KALRN: variants seen among roughly 807,000 people sequenced by gnomAD.
KALRN encodes the protein kalirin RhoGEF kinase.
Under a neutral mutation model 353.7 loss-of-function variants are expected in KALRN, and 70 were observed. The observed-to-expected ratio is 0.20, with a 90% confidence interval of 0.16 to 0.24. The LOEUF (loss-of-function observed/expected upper bound fraction) is 0.24, where lower values mean the gene tolerates loss of function less well. KALRN is among the 10% of genes least tolerant of loss of function. KALRN has a pLI of 1.00. For synonymous variants in KALRN, 1,391 were observed against 1,434.8 expected (o/e 0.97, Z 0.69); for missense variants, 2,791 against 3,756.7 (o/e 0.74, Z 6.72).
chr3:124,615,964 G>C (rs1396538309), intron 34 of KALRN, among the ~76,000 whole-genome samples: 1 of 152,188 alleles, frequency 6.6e-6, no homozygotes, highest in Non-Finnish European at 1.5e-5. Flanking sequence ...GGGAGAAGGA[G>C]GATCAGATTA....
chr3:124,392,023 T>C (rs965328247), intron 11 of KALRN, among the ~76,000 whole-genome samples: 3 of 152,184 alleles, frequency 2.0e-5, no homozygotes, highest in Non-Finnish European at 4.4e-5. Context: ...GAACTGGAGA[T>C]GGCTTGCAAC....
chr3:124,302,373 G>A (rs2077334173), intron 6 of KALRN, among the ~76,000 whole-genome samples: 2 of 152,314 alleles, frequency 1.3e-5, no homozygotes, highest in Non-Finnish European at 2.9e-5. Flanking sequence ...AGATGAGGGG[G>A]TGGTCAGGTC....
intron 1 of KALRN, chr3:124,152,034 T>A: frequency 6.8e-7 from 1 of 1,471,468 alleles, no homozygotes; most frequent in South Asian, 1.1e-5. Flanking sequence ...AAATGGATGG[T>A]CTTTTTCTTC....
chr3:124,536,500 C>G (rs779146510), intron 33 of KALRN, among the ~76,000 whole-genome samples: 26 of 152,216 alleles, frequency 1.7e-4, no homozygotes, highest in Non-Finnish European at 2.8e-4. Flanking sequence ...CCATGTCCAG[C>G]CTCCATTCTA....
chr3:124,042,583 T>A (rs564201048), intron 1 of KALRN, among the ~76,000 whole-genome samples: 1 of 152,082 alleles, frequency 6.6e-6, no homozygotes, highest in African/African-American at 2.4e-5. Flanking sequence ...ATCTTGGATG[T>A]TGATGTGTCA....
At position 124,643,567 on chromosome 3, in the gene KALRN, G is replaced by T. The variant is rs956392662; in HGVS notation, c.5664+6264G>T. 3.5e-4 allele frequency among the ~76,000 whole-genome samples: 53 copies of T among 152,124 alleles called. 1 individual carries two copies. The highest frequency in any genetic ancestry group is 2.2e-4 in the Non-Finnish European group (15 of 68,022). ...CTTGATCTCGGCTCACTGCAGCTTT[G>T]ATCTCCTGGGCTCAAGCAATCTTTT... On this transcript the variant is annotated intron_variant, in intron 37 of 59. Transcript: ENST00000682506.
chr3:124,637,083 C>T, intron 36 of KALRN, 125 bp from the exon 37 acceptor site: 1 of 756,180 alleles, frequency 1.3e-6, no homozygotes, highest in East Asian at 2.5e-5. Flanking sequence ...GTCACCTCTT[C>T]CGTCTAAACA....
At chr3:124,251,355 C>CTTTTTTTTTTT (rs57628448) in intron 3 of KALRN, among the ~76,000 whole-genome samples, 124 of 133,458 alleles carry the variant, frequency 9.3e-4, no homozygotes, top group Non-Finnish European at 1.5e-3. Context: ...CAAGTCTTTG[C>CTTTTTTTTTTT]TTTTTTTTTT....
intron 1 of KALRN, among the ~76,000 whole-genome samples, chr3:124,038,239 G>T (rs1194433133): frequency 6.6e-6 from 1 of 152,138 alleles, no homozygotes; most frequent in African/African-American, 2.4e-5. Context: ...CAGGAGGAGT[G>T]CTGGGGCATG....
At chr3:124,651,054 A>G (rs1157250705) in intron 38 of KALRN, 116 bp downstream of exon 38, 43 of 1,259,428 alleles carry the variant, frequency 3.4e-5, no homozygotes, top group Non-Finnish European at 4.4e-5. Context: ...GACATCTTTC[A>G]TTCTAAGACT....
chr3:124,414,543 C>G (rs1228472328), intron 14 of KALRN, among the ~76,000 whole-genome samples: 3 of 152,200 alleles, frequency 2.0e-5, no homozygotes, highest in East Asian at 3.8e-4. Context: ...TCAGATTTAA[C>G]TTCTTTTCCT....
intron 49 of KALRN, chr3:124,677,691 C>CT (rs1318842182): frequency 6.8e-6 from 3 of 438,868 alleles, no homozygotes; most frequent in African/African-American, 4.0e-5. Context: ...GGGAGTGGCC[C>CT]TGCCCAAATA....
intron 1 of KALRN, among the ~76,000 whole-genome samples, chr3:124,039,413 T>C (rs1663710251): frequency 6.6e-6 from 1 of 152,252 alleles, no homozygotes; most frequent in Admixed American, 6.5e-5. Context: ...AAGTTATTTG[T>C]TCTTTGGAGG....
chr3:124,653,967 A>G (rs1248934892), intron 38 of KALRN, among the ~76,000 whole-genome samples: 1 of 152,226 alleles, frequency 6.6e-6, no homozygotes, highest in Non-Finnish European at 1.5e-5. Context: ...TGACAGGTCC[A>G]CTAGCAGCAC....
chr3:124,452,048 C>G (rs2058836300), intron 21 of KALRN, among the ~76,000 whole-genome samples: 1 of 152,218 alleles, frequency 6.6e-6, no homozygotes. Context: ...AAGTCACTGG[C>G]TGCATCTTGA....
At chr3:124,418,445 T>C (rs78010633) in intron 14 of KALRN, among the ~76,000 whole-genome samples, 2,215 of 152,210 alleles carry the variant, frequency 0.015, 76 homozygotes, top group East Asian at 0.076. Context: ...AAGGACTTTG[T>C]GATTTCTGAA....
chr3:124,481,198 GTTGT>G (rs1021347004), intron 27 of KALRN, among the ~76,000 whole-genome samples: 10 of 151,612 alleles, frequency 6.6e-5, no homozygotes, highest in Middle Eastern at 3.4e-3. Context: ...TCTCTTTTTT[GTTGT>G]TTGTTTGTTT....
At chr3:124,605,297 G>T (rs991129153) in intron 34 of KALRN, among the ~76,000 whole-genome samples, 1 of 151,840 alleles carries the variant, frequency 6.6e-6, no homozygotes, top group Non-Finnish European at 1.5e-5. Flanking sequence ...TTGGCTGGAT[G>T]CAGTGGCTCA....
At chr3:124,193,995 C>G (rs1191352842) in intron 1 of KALRN, among the ~76,000 whole-genome samples, 8 of 152,106 alleles carry the variant, frequency 5.3e-5, no homozygotes, top group African/African-American at 1.7e-4. Flanking sequence ...AGTGTTCCAA[C>G]TAGGCTTTGC....
Sources: gnomAD v4.1 joint callset for allele counts (sites outside exome capture counted in the v4.1 genomes callset) on GRCh38, gnomAD v4.1.1 for gene constraint, MANE v1.5 for transcripts, NCBI Gene and HGNC (gene_info 2026-07-23, HGNC 2026-07-21) for gene names.